The following CD2AP variants were observed in gnomAD, a reference collection of about 807,000 sequenced individuals.
The protein encoded by CD2AP is CD2-associated protein.
CD2AP carries 46 observed loss-of-function variants against 85.1 expected under a neutral mutation model. The observed-to-expected ratio is 0.54, with a 90% confidence interval of 0.43 to 0.69. The LOEUF (loss-of-function observed/expected upper bound fraction) is 0.69, where lower values mean the gene tolerates loss of function less well. Ranked by LOEUF, CD2AP falls within the 30% of genes least tolerant of loss-of-function variation. The pLI, the probability that CD2AP is intolerant of heterozygous loss-of-function variation, is 0.00. For synonymous variants in CD2AP, 255 were observed against 252.9 expected, an observed-to-expected ratio of 1.01 and a Z score of -0.08; for missense variants, 769 against 729.5, an observed-to-expected ratio of 1.05 and a Z score of -0.62.
In CD2AP at chr6:47,558,039, C is replaced by A. The variant is rs552926244; in HGVS notation, c.541+3273C>A. ...TGTAGTTCTCCTTGAAGAGGTCCTT[C>A]ACATCCCTTGTAAGTTGGATTCCTA... On this transcript the variant is annotated intron_variant, in intron 5 of 17. Transcript: ENST00000359314. 2.6e-5 allele frequency among the ~76,000 whole-genome samples: 4 copies of A among 152,254 alleles called. No homozygotes were observed. The South Asian group carries it at 8.3e-4, about 32-fold the overall frequency.
At chr6:47,537,405 G>A (rs893732178) in intron 3 of CD2AP, among the ~76,000 whole-genome samples, 2 of 152,042 alleles carry the variant, frequency 1.3e-5, no homozygotes, top group African/African-American at 4.8e-5. Flanking sequence ...TCATCTTGGG[G>A]TTAGAACACC....
intron 2 of CD2AP, 75 bp downstream of exon 2, chr6:47,503,515 T>C (rs1766052519): frequency 1.6e-6 from 2 of 1,274,182 alleles, no homozygotes; most frequent in South Asian, 1.3e-5. Context: ...ATAGATATAC[T>C]TTTAAAATTA....
intron 11 of CD2AP, among the ~76,000 whole-genome samples, chr6:47,584,926 CAGTT>C (rs1344434538): frequency 2.0e-5 from 3 of 152,080 alleles, no homozygotes; most frequent in Admixed American, 6.6e-5. Context: ...ATCATGTCAC[CAGTT>C]AGTCAGCAGT....
chr6:47,499,734 T>TTTG (rs375338841), intron 1 of CD2AP, among the ~76,000 whole-genome samples: 304 of 151,812 alleles, frequency 2.0e-3, no homozygotes, highest in African/African-American at 5.7e-3. Context: ...AGTTAAGAGT[T>TTTG]TTGTTGTTGT....
At chr6:47,623,119 A>C (rs933912030) in intron 17 of CD2AP, among the ~76,000 whole-genome samples, 1 of 152,246 alleles carries the variant, frequency 6.6e-6, no homozygotes, top group Non-Finnish European at 1.5e-5. Flanking sequence ...TAATCATCAT[A>C]ATATTTACAG....
intron 13 of CD2AP, among the ~76,000 whole-genome samples, chr6:47,600,349 A>G (rs1283013955): frequency 6.6e-6 from 1 of 151,902 alleles, no homozygotes; most frequent in African/African-American, 2.4e-5. Flanking sequence ...TTCACATTTC[A>G]TGTTTACATT....
Position 47,574,080 on chromosome 6 carries a change from G to A in CD2AP, c.558G>A (p.Gly186=), listed in dbSNP as rs977576473. The A allele has an allele frequency of 1.9e-6, 3 of 1,613,944 alleles. No homozygotes were observed. The highest frequency in any genetic ancestry group is 1.1e-5 in the South Asian group (1 of 91,072). The change falls in exon 6 of 18, where the codon GGG becomes GGA. Residue 186 remains glycine (G), a synonymous_variant. Transcript: ENST00000359314. ...AQDDSETVLA[G]PTSPIPSLGN... is the part of the protein sequence containing the mutation. Reference sequence around the variant, plus strand: ...TTGTTTCAGAAACTGTTTTGGCTGGGCCTACTTCACCTATACCTTCTCTGG... The same window carrying A: ...TTGTTTCAGAAACTGTTTTGGCTGGACCTACTTCACCTATACCTTCTCTGG...
At chr6:47,620,814 T>A (rs1769722189) in intron 17 of CD2AP, among the ~76,000 whole-genome samples, 1 of 152,160 alleles carries the variant, frequency 6.6e-6, no homozygotes, top group African/African-American at 2.4e-5. Context: ...GCAGATACTG[T>A]AAAAGGGGTT....
intron 1 of CD2AP, among the ~76,000 whole-genome samples, chr6:47,483,325 G>A (rs1168254473): frequency 6.6e-6 from 1 of 152,166 alleles, no homozygotes; most frequent in Admixed American, 6.5e-5. Context: ...GTTTGGCAAA[G>A]TGCAGCGTGT....
At chr6:47,516,021 T>C (rs753477461) in intron 2 of CD2AP, among the ~76,000 whole-genome samples, 8 of 152,194 alleles carry the variant, frequency 5.3e-5, no homozygotes, top group Non-Finnish European at 1.2e-4. Flanking sequence ...CTTTGTAAAA[T>C]GCATTTAATC....
intron 4 of CD2AP, among the ~76,000 whole-genome samples, chr6:47,549,333 C>T (rs1767450763): frequency 1.3e-5 from 2 of 151,886 alleles, no homozygotes; most frequent in Non-Finnish European, 2.9e-5. Flanking sequence ...GCTCCTAGAA[C>T]TGAGAAAAGA....
chr6:47,531,516 G>T (rs1766874448), intron 2 of CD2AP, among the ~76,000 whole-genome samples: 1 of 150,078 alleles, frequency 6.7e-6, no homozygotes, highest in African/African-American at 2.4e-5. Context: ...CAGCTTTTTG[G>T]ATATGAATCC....
chr6:47,483,903 C>G (rs1765506241), intron 1 of CD2AP, among the ~76,000 whole-genome samples: 1 of 149,466 alleles, frequency 6.7e-6, no homozygotes, highest in Non-Finnish European at 1.5e-5. Flanking sequence ...GTTTCAGAAA[C>G]AAGTACACAA....
At chr6:47,557,537 T>G (rs1272604572) in intron 5 of CD2AP, among the ~76,000 whole-genome samples, 2 of 152,238 alleles carry the variant, frequency 1.3e-5, no homozygotes, top group Non-Finnish European at 2.9e-5. Flanking sequence ...TTCAGTTTTC[T>G]GTATACAGCT....
chr6:47,505,302 C>G (rs945774916), intron 2 of CD2AP, among the ~76,000 whole-genome samples: 5 of 148,444 alleles, frequency 3.4e-5, no homozygotes, highest in African/African-American at 1.2e-4. Context: ...CCATTTAACC[C>G]TGAGTGGACA....
At chr6:47,543,758 CA>C (rs779741663) in intron 3 of CD2AP, among the ~76,000 whole-genome samples, 4 of 152,188 alleles carry the variant, frequency 2.6e-5, no homozygotes, top group Non-Finnish European at 4.4e-5. Context: ...TATTGCCAGA[CA>C]CATTGGGTGT....
intron 8 of CD2AP, among the ~76,000 whole-genome samples, chr6:47,577,605 C>G (rs1768347944): frequency 6.6e-6 from 1 of 152,068 alleles, no homozygotes; most frequent in Non-Finnish European, 1.5e-5. Context: ...GGAATAAATC[C>G]TAATGCAAAA....
At chr6:47,598,729 A>G (rs1437459904) in intron 12 of CD2AP, among the ~76,000 whole-genome samples, 20 of 150,556 alleles carry the variant, frequency 1.3e-4, no homozygotes, top group Admixed American at 1.3e-3. Context: ...AGAATGATAC[A>G]GTGGACTTTG....
chr6:47,501,552 G>C (rs1338069286), intron 1 of CD2AP, among the ~76,000 whole-genome samples: 1 of 152,008 alleles, frequency 6.6e-6, no homozygotes, highest in Non-Finnish European at 1.5e-5. Flanking sequence ...AAAGGAAGGA[G>C]GGGAATGGGC....
Sources: gnomAD v4.1 joint callset for allele counts (sites outside exome capture counted in the v4.1 genomes callset) on GRCh38, gnomAD v4.1.1 for gene constraint, MANE v1.5 for transcripts, NCBI Gene and HGNC (gene_info 2026-07-23, HGNC 2026-07-21) for gene names.